Variants in TEAD1 observed in about 807,000 individuals in gnomAD.
TEAD1 encodes the protein TEA domain transcription factor 1.
In TEAD1, 9 loss-of-function variants were observed where a neutral mutation model predicts 54.9. That is an observed-to-expected ratio of 0.16 (90% confidence interval 0.10 to 0.29). TEAD1 has a LOEUF of 0.29. Ranked by LOEUF, TEAD1 falls within the 10% of genes least tolerant of loss-of-function variation. The pLI is 1.00. For synonymous variants in TEAD1, 200 were observed against 187.8 expected, an observed-to-expected ratio of 1.07 and a Z score of -0.53; for missense variants, 387 against 535.9, an observed-to-expected ratio of 0.72 and a Z score of 2.74.
At chr11:12,690,953 A>G (rs751287092) in intron 2 of TEAD1, among the ~76,000 whole-genome samples, 5 of 152,192 alleles carry the variant, frequency 3.3e-5, no homozygotes, top group East Asian at 1.9e-4. Context: ...ACAGGGTTTC[A>G]TCACTCAGGC....
At chr11:12,819,416 A>ATG (rs142706778) in intron 3 of TEAD1, among the ~76,000 whole-genome samples, 6,714 of 151,682 alleles carry the variant, frequency 0.044, 391 homozygotes, top group East Asian at 0.24. Context: ...ATGCACTTGT[A>ATG]TGTGTGTGTG....
intron 3 of TEAD1, among the ~76,000 whole-genome samples, chr11:12,819,001 T>G (rs1392133043): frequency 6.6e-6 from 1 of 152,194 alleles, no homozygotes; most frequent in Non-Finnish European, 1.5e-5. Flanking sequence ...AATTCCTTAT[T>G]TTTTGTTTTC....
intron 3 of TEAD1, among the ~76,000 whole-genome samples, chr11:12,771,006 T>G (rs1189356317): frequency 1.3e-5 from 2 of 152,208 alleles, no homozygotes; most frequent in African/African-American, 2.4e-5. Context: ...CCCAGAAAAA[T>G]CACATATTTG....
intron 3 of TEAD1, among the ~76,000 whole-genome samples, chr11:12,835,700 G>A (rs774162659): frequency 1.3e-5 from 2 of 152,062 alleles, no homozygotes; most frequent in Non-Finnish European, 2.9e-5. Flanking sequence ...AGAAGAATGT[G>A]TTATTTTTTC....
intron 3 of TEAD1, among the ~76,000 whole-genome samples, chr11:12,838,157 G>T (rs1375303446): frequency 6.6e-6 from 1 of 152,122 alleles, no homozygotes; most frequent in Non-Finnish European, 1.5e-5. Context: ...ATCCTCATGA[G>T]ACCTAATAAC....
At chr11:12,767,163 C>T (rs35069643) in intron 3 of TEAD1, among the ~76,000 whole-genome samples, 19,594 of 152,120 alleles carry the variant, frequency 0.13, 1,682 homozygotes, top group Non-Finnish European at 0.19. Flanking sequence ...GGGAGTCTCC[C>T]TGTTGAGGCC....
chr11:12,736,698 A>G (rs1944539805), intron 2 of TEAD1, among the ~76,000 whole-genome samples: 1 of 152,178 alleles, frequency 6.6e-6, no homozygotes, highest in African/African-American at 2.4e-5. Context: ...GCTGGAACCT[A>G]AGCTTTTGAT....
intron 3 of TEAD1, among the ~76,000 whole-genome samples, chr11:12,770,329 A>G (rs1945289151): frequency 6.6e-6 from 1 of 152,160 alleles, no homozygotes; most frequent in Non-Finnish European, 1.5e-5. Flanking sequence ...AATTGGTCAT[A>G]AGGGAGGTAG....
chr11:12,863,029 A>G (rs1947539461), intron 4 of TEAD1, among the ~76,000 whole-genome samples: 1 of 146,902 alleles, frequency 6.8e-6, no homozygotes, highest in African/African-American at 2.6e-5. Context: ...AGAAAGGAGG[A>G]AAAAAAAAAC....
intron 7 of TEAD1, among the ~76,000 whole-genome samples, chr11:12,881,330 T>C (rs1947961616): frequency 6.6e-6 from 1 of 152,126 alleles, no homozygotes; most frequent in African/African-American, 2.4e-5. Flanking sequence ...TTCATGGTAT[T>C]GAAGGCTGAG....
chr11:12,793,292 AT>A (rs1945843696), intron 3 of TEAD1, among the ~76,000 whole-genome samples: 1 of 152,150 alleles, frequency 6.6e-6, no homozygotes, highest in Non-Finnish European at 1.5e-5. Flanking sequence ...TAAAGGATAG[AT>A]ATTTTTTTTA....
At chr11:12,677,769 T>C (rs1430427956) in intron 2 of TEAD1, among the ~76,000 whole-genome samples, 5 of 152,238 alleles carry the variant, frequency 3.3e-5, no homozygotes, top group Non-Finnish European at 7.3e-5. Context: ...AAATGAGCTG[T>C]GACATTAACA....
chr11:12,901,042 A>T (rs1242944168), intron 9 of TEAD1, among the ~76,000 whole-genome samples: 1 of 152,208 alleles, frequency 6.6e-6, no homozygotes, highest in Non-Finnish European at 1.5e-5. Context: ...AAGAAGCTTT[A>T]AAAATTATGA....
chr11:12,698,163 C>T (rs553396699), intron 2 of TEAD1, among the ~76,000 whole-genome samples: 32 of 152,224 alleles, frequency 2.1e-4, no homozygotes, highest in Admixed American at 1.8e-3. Flanking sequence ...CTTTTTCAGT[C>T]GGGTAACTCT....
intron 3 of TEAD1, among the ~76,000 whole-genome samples, chr11:12,818,792 A>G (rs1310930769): frequency 3.3e-5 from 5 of 152,234 alleles, no homozygotes; most frequent in South Asian, 2.1e-4. Flanking sequence ...TGCACCGGAA[A>G]TACTTGTAAC....
chr11:12,931,119 A>C (rs942923286), intron 12 of TEAD1, among the ~76,000 whole-genome samples: 5 of 152,128 alleles, frequency 3.3e-5, no homozygotes, highest in African/African-American at 1.2e-4. Context: ...AGACAAAACA[A>C]ACTTAATGGG....
At chr11:12,761,005 A>G (rs1945092246) in intron 2 of TEAD1, among the ~76,000 whole-genome samples, 1 of 152,202 alleles carries the variant, frequency 6.6e-6, no homozygotes, top group South Asian at 2.1e-4. Flanking sequence ...GTCCTGGCCC[A>G]TTGCTAGATA....
At chr11:12,735,843 A>G (rs1249398279) in intron 2 of TEAD1, among the ~76,000 whole-genome samples, 1 of 152,190 alleles carries the variant, frequency 6.6e-6, no homozygotes, top group Non-Finnish European at 1.5e-5. Context: ...TCATCTCTCC[A>G]TCACAGAACC....
At chr11:12,881,308 G>T (rs1947960679) in intron 7 of TEAD1, among the ~76,000 whole-genome samples, 1 of 152,116 alleles carries the variant, frequency 6.6e-6, no homozygotes, top group South Asian at 2.1e-4. Flanking sequence ...GCAAGAAGTG[G>T]ACCCCTCTTC....
Sources: gnomAD v4.1 joint callset for allele counts (sites outside exome capture counted in the v4.1 genomes callset) on GRCh38, gnomAD v4.1.1 for gene constraint, MANE v1.5 for transcripts, NCBI Gene and HGNC (gene_info 2026-07-23, HGNC 2026-07-21) for gene names.